Variants in SPRED1 observed in about 807,000 individuals in gnomAD.
SPRED1 encodes sprouty-related, EVH1 domain-containing protein 1.
SPRED1 carries 18 observed loss-of-function variants against 52.3 expected under a neutral mutation model. That is an observed-to-expected ratio of 0.34 (90% CI 0.24 to 0.51). The LOEUF is 0.51. Ranked by LOEUF, SPRED1 falls within the 20% of genes least tolerant of loss-of-function variation. SPRED1 has a pLI of 0.97. For missense variants in SPRED1, 485 were observed against 551.0 expected, an observed-to-expected ratio of 0.88 and a Z score of 1.20; for synonymous variants, 155 against 179.7, an observed-to-expected ratio of 0.86 and a Z score of 1.10.
chr15:38,314,384 A>G (rs1403062151), intron 2 of SPRED1, among the ~76,000 whole-genome samples: 5 of 151,812 alleles, frequency 3.3e-5, no homozygotes, highest in Non-Finnish European at 7.4e-5. Context: ...AACTTTATTC[A>G]TTATACCTTT....
chr15:38,317,376 G>C (rs998122989), intron 2 of SPRED1, among the ~76,000 whole-genome samples: 1 of 151,790 alleles, frequency 6.6e-6, no homozygotes, highest in Non-Finnish European at 1.5e-5. Flanking sequence ...CTTCCTATTG[G>C]CCAGAAGTAA....
At chr15:38,257,802 G>T (rs1213160569) in intron 1 of SPRED1, among the ~76,000 whole-genome samples, 8 of 152,228 alleles carry the variant, frequency 5.3e-5, no homozygotes, top group African/African-American at 1.9e-4. Context: ...GGATAAAGAA[G>T]TGAAATTGAT....
intron 5 of SPRED1, among the ~76,000 whole-genome samples, chr15:38,348,218 C>T (rs1018798054): frequency 6.6e-6 from 1 of 151,836 alleles, no homozygotes; most frequent in Non-Finnish European, 1.5e-5. Context: ...TTCACTTGAC[C>T]AAATATCTAG....
intron 1 of SPRED1, among the ~76,000 whole-genome samples, chr15:38,275,898 C>A (rs1894541840): frequency 6.6e-6 from 1 of 152,176 alleles, no homozygotes; most frequent in African/African-American, 2.4e-5. Context: ...GGGATGTAAA[C>A]TTGGACCTTC....
chr15:38,347,147 T>G (rs1896154989), intron 5 of SPRED1, among the ~76,000 whole-genome samples: 1 of 152,196 alleles, frequency 6.6e-6, no homozygotes, highest in Non-Finnish European at 1.5e-5. Flanking sequence ...TTAAAGATTT[T>G]CTTCCTAATC....
chr15:38,339,925 T>A, intron 5 of SPRED1, 30 bp downstream of exon 5: 1 of 1,613,312 alleles, frequency 6.2e-7, no homozygotes, highest in Non-Finnish European at 8.5e-7. Context: ...TTTCGGCGCG[T>A]TGTTTATATG....
In SPRED1 at chr15:38,351,571, A is replaced by C. The variant is rs904428917; in HGVS notation, c.1242A>C (p.Val414=). ...WLALVALSFI[V]PCMCCYVPLR... ...CCCTGGTAGCTTTGTCTTTCATTGT[A>C]CCATGTATGTGCTGCTACGTCCCTT... Residue 414 remains valine, a synonymous_variant, in exon 7 of 7, where the codon GTA becomes GTC. Coordinates refer to ENST00000299084, the MANE Select transcript of SPRED1 (RefSeq NM_152594.3). The C allele has an allele frequency of 6.2e-7, 1 of 1,614,098 alleles. No homozygotes were observed. Among genetic ancestry groups the C allele is most frequent in the Non-Finnish European group, 8.5e-7 (1 of 1,180,008 alleles).
intron 2 of SPRED1, among the ~76,000 whole-genome samples, chr15:38,309,542 C>T (rs1464841380): frequency 6.6e-6 from 1 of 152,200 alleles, no homozygotes; most frequent in African/African-American, 2.4e-5. Flanking sequence ...CAGTCTGTAG[C>T]TTGTCTTTTC....
intron 4 of SPRED1, among the ~76,000 whole-genome samples, chr15:38,337,718 A>T (rs993072293): frequency 1.1e-4 from 17 of 152,152 alleles, no homozygotes; most frequent in African/African-American, 4.1e-4. Flanking sequence ...AGATATTTTT[A>T]AAGTCAGCTT....
At chr15:38,349,774 A>T (rs1888441506) in intron 6 of SPRED1, among the ~76,000 whole-genome samples, 1 of 152,192 alleles carries the variant, frequency 6.6e-6, no homozygotes, top group Non-Finnish European at 1.5e-5. Context: ...AATTAAATAA[A>T]CTGTATCTGT....
At chr15:38,328,274 T>G (rs1460778088) in intron 4 of SPRED1, among the ~76,000 whole-genome samples, 1 of 152,222 alleles carries the variant, frequency 6.6e-6, no homozygotes, top group Non-Finnish European at 1.5e-5. Flanking sequence ...TAAATAAATG[T>G]TTTGAAGGCA....
intron 1 of SPRED1, among the ~76,000 whole-genome samples, chr15:38,282,288 A>G (rs1023068420): frequency 4.0e-5 from 6 of 151,054 alleles, no homozygotes; most frequent in African/African-American, 1.5e-4. Context: ...CAGCCTGGCC[A>G]ACATCCTGAA....
At chr15:38,272,500 C>T (rs143784790) in intron 1 of SPRED1, among the ~76,000 whole-genome samples, 79 of 152,266 alleles carry the variant, frequency 5.2e-4, no homozygotes, top group African/African-American at 1.7e-3. Flanking sequence ...GAACTCCTGA[C>T]CTCAGGTGAT....
At chr15:38,283,769 A>G (rs138198124) in intron 1 of SPRED1, among the ~76,000 whole-genome samples, 5 of 152,236 alleles carry the variant, frequency 3.3e-5, no homozygotes, top group African/African-American at 9.6e-5. Context: ...TAGTTTCCCT[A>G]TCTGTAATTT....
intron 1 of SPRED1, among the ~76,000 whole-genome samples, chr15:38,264,150 T>C (rs193101668): frequency 6.6e-6 from 1 of 152,316 alleles, no homozygotes; most frequent in East Asian, 1.9e-4. Flanking sequence ...ACTGTTAGAT[T>C]TAATCCTTCT....
chr15:38,319,638 A>G (rs1895561821), intron 2 of SPRED1, among the ~76,000 whole-genome samples: 1 of 152,186 alleles, frequency 6.6e-6, no homozygotes, highest in African/African-American at 2.4e-5. Flanking sequence ...TCAGCCTCCC[A>G]CAGGGCTGGG....
chr15:38,326,482 G>A (rs7495006), intron 4 of SPRED1: 1 of 152,182 alleles, frequency 6.6e-6, no homozygotes, highest in Non-Finnish European at 1.5e-5. Context: ...TCTTAGAAAA[G>A]CATTGTCTAA....
chr15:38,279,228 A>C (rs1249321753), intron 1 of SPRED1, among the ~76,000 whole-genome samples: 1 of 152,114 alleles, frequency 6.6e-6, no homozygotes, highest in Non-Finnish European at 1.5e-5. Flanking sequence ...CCACGATATG[A>C]TCGTACCATA....
At chr15:38,346,406 T>TA (rs1337694437) in intron 5 of SPRED1, among the ~76,000 whole-genome samples, 6 of 152,208 alleles carry the variant, frequency 3.9e-5, no homozygotes, top group Admixed American at 3.3e-4. Context: ...CAGTTTCTCT[T>TA]ACTTTCACGG....
Sources: allele counts gnomAD v4.1 joint callset (sites outside exome capture counted in the v4.1 genomes callset), GRCh38; gene constraint gnomAD v4.1.1; transcripts MANE v1.5; gene names NCBI Gene and HGNC (gene_info 2026-07-23, HGNC 2026-07-21).